The following PCBD1 variants were observed in gnomAD, a reference collection of about 807,000 sequenced individuals.
The protein encoded by PCBD1 is pterin-4-alpha-carbinolamine dehydratase.
In PCBD1, 16 loss-of-function variants were observed where a neutral mutation model predicts 12.6. That is an observed-to-expected ratio of 1.27 (90% confidence interval 0.86 to 1.93). PCBD1 has a LOEUF of 1.93. Among genes scored for constraint, PCBD1 ranks in the 30% most tolerant of loss-of-function variants. The pLI, the probability that PCBD1 is intolerant of heterozygous loss-of-function variation, is 0.00. For missense variants in PCBD1, 86 were observed against 130.1 expected (o/e 0.66, Z 1.65); for synonymous variants, 53 against 50.2 (o/e 1.05, Z -0.23).
rs1846552868 is a variant in PCBD1, at chr10:70,884,559, G to T, written c.217-511C>A. On this transcript the variant is annotated intron_variant, in intron 3 of 3. Transcript: ENST00000299299. ...TGCAGTGGCTCAATCTCTGCTCACT[G>T]CAAGCTCCGCCTCCCGGGTTCCCAC... Among the ~76,000 whole-genome samples the T allele has an allele frequency of 3.0e-5, 4 of 133,534 alleles. No individual in the cohort carries two copies. The Admixed American group carries it at 3.7e-4, about 12-fold the overall frequency. 87.6% of individuals were successfully genotyped at this position (133,534 alleles called of 152,430 possible).
intron 3 of PCBD1, among the ~76,000 whole-genome samples, chr10:70,884,884 T>C (rs570167749): frequency 9.8e-5 from 15 of 152,338 alleles, no homozygotes; most frequent in African/African-American, 1.9e-4. Flanking sequence ...TTTGCCTTCT[T>C]AATGTCTACT....
rs775001880 is a variant in PCBD1, at chr10:70,884,049, C to T, written c.217-1G>A. On this transcript the variant is annotated splice_acceptor_variant, in intron 3 of 3. Transcript: ENST00000299299. LOFTEE classifies it high-confidence loss of function. ...CATGGGTGCTCAGCGTGATGTGGAC[C>T]TGAAATGAAACCAGAAATTCTGCTT... 2 of 1,613,736 alleles carry T rather than the reference C, an allele frequency of 1.2e-6. No individual in the cohort carries two copies. Among genetic ancestry groups the T allele is most frequent in the Non-Finnish European group, 1.7e-6 (2 of 1,179,866 alleles).
At chr10:70,884,575 G>A (rs113288429) in intron 3 of PCBD1, among the ~76,000 whole-genome samples, 8,133 of 138,232 alleles carry the variant, frequency 0.059, 270 homozygotes, top group Non-Finnish European at 0.064. Flanking sequence ...TCCGCCTCCC[G>A]GGTTCCCACC....
intron 3 of PCBD1, among the ~76,000 whole-genome samples, chr10:70,884,755 T>G (rs1301821450): frequency 1.3e-5 from 2 of 152,198 alleles, no homozygotes; most frequent in African/African-American, 4.8e-5. Context: ...TATGTGTGTA[T>G]TCTTAGTTCA....
chr10:70,887,323 G>C (rs1399206239), intron 1 of PCBD1, among the ~76,000 whole-genome samples: 1 of 152,110 alleles, frequency 6.6e-6, no homozygotes, highest in African/African-American at 2.4e-5. Context: ...TTTCCCTGCT[G>C]TTTTCCCTCC....
intron 2 of PCBD1, 51 bp from the exon 3 acceptor site, chr10:70,885,283 T>C: frequency 7.2e-7 from 1 of 1,396,100 alleles, no homozygotes; most frequent in Non-Finnish European, 1.0e-6. Context: ...AAAGGACTTC[T>C]GGACATCACC....
Position 70,885,203 on chromosome 10 carries a change from C to T in PCBD1, c.165G>A (p.Leu55=), listed in dbSNP as rs1272848287. The change falls in exon 3 of 4, where the codon CTG becomes CTA. Residue 55 remains leucine (L), a synonymous_variant. Coordinates refer to ENST00000299299, the MANE Select transcript of PCBD1 (RefSeq NM_000281.4). ...GATGGTGGTCCAGTTTCTCAGCCTG[C>T]AGGGCCACTCTTGTCATGAACCCAA... ...RAFGFMTRVA[L]QAEKLDHHPE... 4.3e-6 allele frequency: 7 copies of T among 1,614,060 alleles called. No homozygotes were observed. Among genetic ancestry groups the T allele is most frequent in the South Asian group, 1.1e-5 (1 of 91,068 alleles).
chr10:70,883,838 GC>G lies in PCBD1; in HGVS notation c.*111del. 1 of 1,540,010 alleles carries G rather than the reference GC, an allele frequency of 6.5e-7. No homozygotes were observed. Among genetic ancestry groups the G allele is most frequent in the Non-Finnish European group, 8.7e-7 (1 of 1,142,884 alleles). On this transcript the variant is annotated 3_prime_UTR_variant, in exon 4 of 4. Transcript: ENST00000299299. ...AAGGACTCAGCCCTCAACGGCGGCG[GC>G]TGGGTCTTGGGAGGGGAGTGGTGGG...
In PCBD1 at chr10:70,884,013, G is replaced by C. The variant is rs550539552; in HGVS notation, c.252C>G (p.Gly84=). The C allele has an allele frequency of 6.2e-7, 1 of 1,614,088 alleles. No homozygotes were observed. Among genetic ancestry groups the C allele is most frequent in the African/African-American group, 1.3e-5 (1 of 75,020 alleles). The change falls in exon 4 of 4, where the codon GGC becomes GGG. Residue 84 remains glycine (G), a synonymous_variant. Transcript: ENST00000299299. ...HITLSTHECA[G]LSERDINLAS... The stretch of plus-strand genomic sequence containing the variant: ...CCAGGTTTATGTCCCGTTCTGAAAG[G>C]CCGGCACACTCATGGGTGCTCAGCG...
In PCBD1 at chr10:70,883,768, G is replaced by C; in HGVS notation, c.*182C>G. 1 of 1,491,828 alleles carries C rather than the reference G, an allele frequency of 6.7e-7. No homozygotes were observed. The highest frequency in any genetic ancestry group is 8.9e-7 in the Non-Finnish European group (1 of 1,120,074). The allele number at this position is 1,491,828 out of a possible 1,614,324, so 92.4% of individuals were successfully genotyped here. A position where few individuals can be genotyped will look rare whatever the true frequency, so the allele number is the denominator to read the frequency against. On this transcript the variant is annotated 3_prime_UTR_variant, in exon 4 of 4. Coordinates refer to ENST00000299299, the MANE Select transcript of PCBD1 (RefSeq NM_000281.4). ...ATGAAGAGAGTGGTGCAGGGAAAAGGTCTAAATTCCTGGTGTTGGTGGGGA... is the reference window on the plus strand; with the variant it reads ...ATGAAGAGAGTGGTGCAGGGAAAAGCTCTAAATTCCTGGTGTTGGTGGGGA...
chr10:70,883,769 T>G lies in PCBD1; in HGVS notation c.*181A>C. 6.7e-7 allele frequency: 1 copy of G among 1,491,608 alleles called. No homozygotes were observed. Among genetic ancestry groups the G allele is most frequent in the Non-Finnish European group, 8.9e-7 (1 of 1,119,926 alleles). The allele number at this position is 1,491,608 out of a possible 1,614,324, so 92.4% of individuals were successfully genotyped here. A position where few individuals can be genotyped will look rare whatever the true frequency, so the allele number is the denominator to read the frequency against. On this transcript the variant is annotated 3_prime_UTR_variant, in exon 4 of 4. Transcript: ENST00000299299. ...TGAAGAGAGTGGTGCAGGGAAAAGG[T>G]CTAAATTCCTGGTGTTGGTGGGGAC...
At chr10:70,887,505 T>C (rs893704925) in intron 1 of PCBD1, among the ~76,000 whole-genome samples, 4 of 152,080 alleles carry the variant, frequency 2.6e-5, no homozygotes, top group African/African-American at 9.7e-5. Flanking sequence ...TCCGTGTATC[T>C]AGACAACCAG....
At chr10:70,882,877 G>A (rs1846520719), downstream of PCBD1, among the ~76,000 whole-genome samples, 1 of 152,142 alleles carries the variant, frequency 6.6e-6, no homozygotes. Flanking sequence ...TTTGGATTTT[G>A]GAATATTTGC....
At chr10:70,885,520 A>G (rs1450659214) in intron 2 of PCBD1, among the ~76,000 whole-genome samples, 3 of 152,254 alleles carry the variant, frequency 2.0e-5, no homozygotes, top group African/African-American at 4.8e-5. Context: ...TCAGATGTGC[A>G]TGGTTTCCAC....
Position 70,885,137 on chromosome 10 carries a change from C to A in PCBD1, c.216+15G>T, listed in dbSNP as rs752950868. The A allele has an allele frequency of 6.2e-7, 1 of 1,607,888 alleles. No individual in the cohort carries two copies. The highest frequency in any genetic ancestry group is 8.5e-7 in the Non-Finnish European group (1 of 1,175,116). ...ATGGGGGCAGAGCACAACAGAGGCA[C>A]ACAGCATCACTCACCTTGTTGTACA... On this transcript the variant is annotated intron_variant, in intron 3 of 3. Transcript: ENST00000299299.
chr10:70,884,196 TAAC>T (rs1846546097), intron 3 of PCBD1, 148 bp from the exon 4 acceptor site: 2 of 732,550 alleles, frequency 2.7e-6, no homozygotes, highest in Admixed American at 4.1e-5. Context: ...GACATGTCTG[TAAC>T]AACATCTTCT....
intron 3 of PCBD1, 86 bp from the exon 4 acceptor site, chr10:70,884,134 G>C (rs2131965984): frequency 7.1e-7 from 1 of 1,404,334 alleles, no homozygotes; most frequent in Non-Finnish European, 9.9e-7. Flanking sequence ...GCCCTGCTAG[G>C]AGCTCCAGAA....
chr10:70,884,136 G>A lies in PCBD1; in HGVS notation c.217-88C>T, dbSNP rs889057268. On this transcript the variant is annotated intron_variant, in intron 3 of 3. Coordinates refer to ENST00000299299, the MANE Select transcript of PCBD1 (RefSeq NM_000281.4). ...GCTGCTGGGCTCAGCCCTGCTAGGAGCTCCAGAATAGCAGCTGGCCAGTAC... is the reference window on the plus strand; with the variant it reads ...GCTGCTGGGCTCAGCCCTGCTAGGAACTCCAGAATAGCAGCTGGCCAGTAC... The A allele has an allele frequency of 5.1e-6, 7 of 1,376,774 alleles. No homozygotes were observed. The African/African-American group carries it at 8.5e-5, about 17-fold the overall frequency. 85.3% of individuals were successfully genotyped at this position (1,376,774 alleles called of 1,614,324 possible).
rs769467005 is a variant in PCBD1, at chr10:70,885,826, T to C, written c.107A>G (p.Lys36Arg). The C allele has an allele frequency of 1.2e-6, 2 of 1,614,008 alleles. No individual in the cohort carries two copies. The highest frequency in any genetic ancestry group is 1.1e-5 in the South Asian group (1 of 91,034). ...GTTGAAGTCTTTGAAATGAAACTGC[T>C]TGAAGATGGCATCACGGCCTTCCAG... ...NELEGRDAIF[K>R]QFHFKDFNRA... is the part of the protein sequence containing the mutation. The change falls in exon 2 of 4, where the codon AAG becomes AGG. Residue 36 changes from lysine (K) to arginine (R), a missense_variant. By Grantham distance (26) the Lys-to-Arg change is conservative. Transcript: ENST00000299299.
Sources: gnomAD v4.1 joint callset for allele counts (sites outside exome capture counted in the v4.1 genomes callset) on GRCh38, gnomAD v4.1.1 for gene constraint, MANE v1.5 for transcripts, NCBI Gene and HGNC (gene_info 2026-07-23, HGNC 2026-07-21) for gene names.